PARM1: variants seen among roughly 807,000 people sequenced by gnomAD.
PARM1 encodes WSC4, cell wall integrity and stress response component 4 homolog.
Under a neutral mutation model 24.6 loss-of-function variants are expected in PARM1, and 14 were observed. The ratio of observed to expected loss-of-function variants is 0.57; its 90% CI spans 0.38 to 0.89. The LOEUF (loss-of-function observed/expected upper bound fraction) is 0.89, where lower values mean the gene tolerates loss of function less well. PARM1 is among the 40% of genes least tolerant of loss of function. The pLI is 0.00. For missense variants in PARM1, 362 were observed against 380.4 expected (o/e 0.95, Z 0.40); for synonymous variants, 179 against 156.6 (o/e 1.14, Z -1.07).
chr4:75,010,202 A>G (rs1262467033), intron 1 of PARM1, among the ~76,000 whole-genome samples: 2 of 152,246 alleles, frequency 1.3e-5, no homozygotes, highest in African/African-American at 4.8e-5. Context: ...GCCACATGCT[A>G]TCACATGGAT....
chr4:74,981,879 C>CAAA (rs1159910773), intron 1 of PARM1, among the ~76,000 whole-genome samples: 3 of 55,640 alleles, frequency 5.4e-5, no homozygotes, highest in Non-Finnish European at 8.0e-5. Context: ...ACTCAATCTC[C>CAAA]AAAAAAAAAA....
intron 1 of PARM1, among the ~76,000 whole-genome samples, chr4:74,958,483 A>G (rs1392260449): frequency 6.6e-6 from 1 of 152,210 alleles, no homozygotes; most frequent in Non-Finnish European, 1.5e-5. Context: ...AAGGATAAAT[A>G]GGAACTTGCC....
At position 75,045,825 on chromosome 4, in the gene PARM1, G is replaced by A. The variant is rs555911465; in HGVS notation, c.849-338G>A. Among the ~76,000 whole-genome samples the A allele has an allele frequency of 2.1e-3, 326 of 152,334 alleles. 1 individual carries two copies. Among genetic ancestry groups the A allele is most frequent in the Non-Finnish European group, 3.8e-3 (258 of 68,040 alleles). On this transcript the variant is annotated intron_variant, in intron 3 of 3. Transcript: ENST00000307428. ...GCCCAGAACCTAAGTCAGAATGTTA[G>A]GAATGCAAGCTTCCCTTTCCCATCT...
chr4:74,958,890 C>T (rs1228410931), intron 1 of PARM1, among the ~76,000 whole-genome samples: 1 of 152,128 alleles, frequency 6.6e-6, no homozygotes, highest in African/African-American at 2.4e-5. Context: ...TAGCAATAGT[C>T]AATTTTATGA....
At chr4:75,035,977 C>T (rs371585489) in intron 3 of PARM1, among the ~76,000 whole-genome samples, 7 of 152,252 alleles carry the variant, frequency 4.6e-5, no homozygotes, top group African/African-American at 1.2e-4. Flanking sequence ...GCTGCAGATA[C>T]ACCGTATTTT....
chr4:74,942,284 CAGTT>C (rs1162297052), intron 1 of PARM1, among the ~76,000 whole-genome samples: 7 of 152,188 alleles, frequency 4.6e-5, no homozygotes, highest in Non-Finnish European at 1.0e-4. Flanking sequence ...AATTTTCATT[CAGTT>C]AATTTTTAAT....
rs1723057935 is a variant in PARM1, at chr4:75,019,951, C to T, written c.769+6801C>T. The stretch of plus-strand genomic sequence containing the variant: ...CCAGGAAGCGGAGCTTGCAGTGAGC[C>T]GAGATTGCGCCACTGCAGTCCGCAG... On this transcript the variant is annotated intron_variant, in intron 2 of 3. Transcript: ENST00000307428. Among the ~76,000 whole-genome samples the T allele has an allele frequency of 3.7e-5, 5 of 134,430 alleles. No individual in the cohort carries two copies. In the South Asian group the frequency reaches 1.2e-3, roughly 32 times the overall value. The allele number at this position is 134,430 out of a possible 152,430, so 88.2% of individuals were successfully genotyped here. A position where few individuals can be genotyped will look rare whatever the true frequency, so the allele number is the denominator to read the frequency against.
intron 1 of PARM1, among the ~76,000 whole-genome samples, chr4:74,949,774 T>C (rs17477486): frequency 0.072 from 10,855 of 151,600 alleles, 463 homozygotes; most frequent in Non-Finnish European, 0.094. Flanking sequence ...ATGGCAAACA[T>C]GTCCTGTGGA....
At chr4:74,953,000 G>A (rs1721557236) in intron 1 of PARM1, among the ~76,000 whole-genome samples, 1 of 152,080 alleles carries the variant, frequency 6.6e-6, no homozygotes, top group Non-Finnish European at 1.5e-5. Flanking sequence ...ATTTTCTGGA[G>A]CATCTAAAAT....
intron 3 of PARM1, among the ~76,000 whole-genome samples, chr4:75,038,279 T>A (rs552470173): frequency 9.2e-5 from 14 of 152,330 alleles, no homozygotes; most frequent in African/African-American, 3.1e-4. Context: ...ATAATAATAA[T>A]AGTACCTAAC....
intron 3 of PARM1, among the ~76,000 whole-genome samples, chr4:75,039,791 A>G (rs1723444977): frequency 6.6e-6 from 1 of 152,146 alleles, no homozygotes; most frequent in African/African-American, 2.4e-5. Context: ...TGTTTCATAT[A>G]TGTTTCAGAT....
chr4:75,044,721 A>G (rs967231988), intron 3 of PARM1, among the ~76,000 whole-genome samples: 1 of 152,070 alleles, frequency 6.6e-6, no homozygotes, highest in African/African-American at 2.4e-5. Flanking sequence ...TCTGATAAAC[A>G]TACCCGAGAC....
At chr4:75,015,895 T>G (rs1166253221) in intron 2 of PARM1, among the ~76,000 whole-genome samples, 3 of 152,244 alleles carry the variant, frequency 2.0e-5, no homozygotes, top group Non-Finnish European at 4.4e-5. Flanking sequence ...TGGTTTGCGC[T>G]TCAGGTTACT....
At chr4:75,006,727 C>T (rs1722776589) in intron 1 of PARM1, among the ~76,000 whole-genome samples, 1 of 152,102 alleles carries the variant, frequency 6.6e-6, no homozygotes, top group Non-Finnish European at 1.5e-5. Context: ...CACTGTCTTC[C>T]ACAATGGTTG....
At chr4:74,939,137 G>T (rs771115902) in intron 1 of PARM1, among the ~76,000 whole-genome samples, 2 of 152,038 alleles carry the variant, frequency 1.3e-5, no homozygotes, top group Non-Finnish European at 2.9e-5. Context: ...CATACTTTTG[G>T]CCTTTCATCT....
At chr4:74,991,584 A>C (rs1054370895) in intron 1 of PARM1, among the ~76,000 whole-genome samples, 1 of 152,196 alleles carries the variant, frequency 6.6e-6, no homozygotes, top group Non-Finnish European at 1.5e-5. Flanking sequence ...TGATGAGCGC[A>C]TACTTATGTA....
In PARM1 at chr4:75,046,796, A is replaced by G. The variant is rs1723612509; in HGVS notation, c.*549A>G. On this transcript the variant is annotated 3_prime_UTR_variant, in exon 4 of 4. Coordinates refer to ENST00000307428, the MANE Select transcript of PARM1 (RefSeq NM_015393.4). ...GCCTGCTTGGCTCTACAAGCTGGAA[A>G]GCAGCTTCTTAGCTGCCTAATTAAT... 6.6e-6 allele frequency: 1 copy of G among 152,408 alleles called. No homozygotes were observed. The highest frequency in any genetic ancestry group is 2.1e-4 in the South Asian group (1 of 4,840). The allele number at this position is 152,408 out of a possible 1,614,324, so 9.4% of individuals were successfully genotyped here.
intron 1 of PARM1, among the ~76,000 whole-genome samples, chr4:74,981,626 C>G (rs1008594892): frequency 6.6e-5 from 10 of 152,098 alleles, no homozygotes; most frequent in Non-Finnish European, 1.3e-4. Context: ...CCTGTAATCC[C>G]AGCACTTTGG....
intron 1 of PARM1, among the ~76,000 whole-genome samples, chr4:74,944,617 G>A (rs1476025772): frequency 1.3e-5 from 2 of 152,140 alleles, no homozygotes; most frequent in Admixed American, 1.3e-4. Flanking sequence ...TCACCGGAAG[G>A]AAAAGAATTG....
Sources: allele counts gnomAD v4.1 joint callset (sites outside exome capture counted in the v4.1 genomes callset), GRCh38; gene constraint gnomAD v4.1.1; transcripts MANE v1.5; gene names NCBI Gene and HGNC (gene_info 2026-07-23, HGNC 2026-07-21).